MRTFB: variants seen among roughly 807,000 people sequenced by gnomAD.
The protein encoded by MRTFB is myocardin-related transcription factor B.
MRTFB carries 29 observed loss-of-function variants against 104.2 expected under a neutral mutation model. The ratio of observed to expected loss-of-function variants is 0.28; its 90% confidence interval spans 0.21 to 0.38. MRTFB has a LOEUF of 0.38. Ranked by LOEUF, MRTFB falls within the 10% of genes least tolerant of loss-of-function variation. The pLI is 1.00. For missense variants in MRTFB, 1,270 were observed against 1,341.6 expected (o/e 0.95, Z 0.83); for synonymous variants, 535 against 519.5 (o/e 1.03, Z -0.41).
Position 14,252,634 on chromosome 16 carries a change from T to G in MRTFB, c.2703+132T>G, listed in dbSNP as rs988773648. The stretch of plus-strand genomic sequence containing the variant: ...TAGAAATACAAAAATAACCTTGTAT[T>G]TTACATGGTTATTTAAAATCAAAAT... On this transcript the variant is annotated intron_variant, in intron 15 of 16. Transcript: ENST00000571589. 6 of 1,100,092 alleles carry G rather than the reference T, an allele frequency of 5.5e-6. No individual in the cohort carries two copies. In the African/African-American group the frequency reaches 9.6e-5, roughly 18 times the overall value. 68.1% of individuals were successfully genotyped at this position (1,100,092 alleles called of 1,614,324 possible).
Position 14,121,532 on chromosome 16 carries a change from A to G in MRTFB, c.-63-19012A>G, listed in dbSNP as rs979564514. Among the ~76,000 whole-genome samples the G allele has an allele frequency of 1.3e-4, 20 of 152,342 alleles. No homozygotes were observed. The South Asian group carries it at 1.4e-3, about 11-fold the overall frequency. On this transcript the variant is annotated intron_variant, in intron 2 of 16. Coordinates refer to ENST00000571589, the MANE Select transcript of MRTFB (RefSeq NM_001308142.2). ...AGTAAAAATTAAATAAGTTAGAGAA[A>G]ATTGACTACTACTTAGATTGTTAAC...
chr16:14,119,875 G>A (rs187533180), intron 2 of MRTFB, among the ~76,000 whole-genome samples: 1 of 152,224 alleles, frequency 6.6e-6, no homozygotes. Context: ...TGACGTGTAG[G>A]GTCCTACATT....
the MRTFB span, among the ~76,000 whole-genome samples, chr16:13,997,361 C>T: frequency 6.6e-6 from 1 of 152,102 alleles, no homozygotes; most frequent in Non-Finnish European, 1.5e-5. Flanking sequence ...CCAATCCCTT[C>T]AGCAGAGAGC....
the MRTFB span, among the ~76,000 whole-genome samples, chr16:14,054,551 C>A: frequency 6.6e-6 from 1 of 152,168 alleles, no homozygotes; most frequent in African/African-American, 2.4e-5. Flanking sequence ...TCTATGTCAT[C>A]ACTTCAGGAA....
the MRTFB span, among the ~76,000 whole-genome samples, chr16:14,001,690 C>T: frequency 6.6e-6 from 1 of 152,244 alleles, no homozygotes; most frequent in East Asian, 1.9e-4. Flanking sequence ...AGACGGGCTT[C>T]AAGCAGGCTG....
chr16:14,120,408 C>G (rs1455020134), intron 2 of MRTFB, among the ~76,000 whole-genome samples: 1 of 152,138 alleles, frequency 6.6e-6, no homozygotes, highest in African/African-American at 2.4e-5. Flanking sequence ...ATGTTTCCTT[C>G]TAAAAGTTTG....
At chr16:14,148,168 G>A (rs572336620) in intron 3 of MRTFB, among the ~76,000 whole-genome samples, 1 of 152,282 alleles carries the variant, frequency 6.6e-6, no homozygotes, top group East Asian at 1.9e-4. Context: ...TAAATGATCA[G>A]TTAAATAAGT....
At chr16:14,003,280 T>A in the MRTFB span, among the ~76,000 whole-genome samples, 1 of 152,210 alleles carries the variant, frequency 6.6e-6, no homozygotes, top group Non-Finnish European at 1.5e-5. Context: ...TTCTTTTTAA[T>A]CCTCCCTTTC....
Position 14,097,123 on chromosome 16 carries a change from T to G in MRTFB, c.-64+17769T>G, listed in dbSNP as rs538934220. On this transcript the variant is annotated intron_variant, in intron 2 of 16. Transcript: ENST00000571589. ...ATGCAATGATTATGACCTTATAAAT[T>G]ATTCTAAGAGGAGATGCAGAGTGGC... is the stretch of plus-strand genomic sequence containing the variant. Among the ~76,000 whole-genome samples the G allele has an allele frequency of 3.3e-5, 5 of 152,340 alleles. No individual in the cohort carries two copies. The South Asian group carries it at 1.0e-3, about 32-fold the overall frequency.
intron 3 of MRTFB, chr16:14,144,479 T>C (rs571658366): frequency 6.6e-6 from 1 of 152,280 alleles, no homozygotes; most frequent in African/African-American, 2.4e-5. Context: ...AAGAGATCTA[T>C]TGCAAAACAT....
At chr16:14,125,349 A>G (rs906330714) in intron 2 of MRTFB, among the ~76,000 whole-genome samples, 1 of 152,236 alleles carries the variant, frequency 6.6e-6, no homozygotes, top group African/African-American at 2.4e-5. Context: ...TTCATGGGCA[A>G]AATTCCTGGG....
At chr16:14,240,644 T>G (rs1243256805) in intron 10 of MRTFB, 160 bp downstream of exon 10, 4 of 1,206,928 alleles carry the variant, frequency 3.3e-6, no homozygotes, top group Non-Finnish European at 4.9e-6. Flanking sequence ...GAAGTCCACA[T>G]GGTGAGAGTG....
the MRTFB span, among the ~76,000 whole-genome samples, chr16:14,050,164 GACAC>G: frequency 3.3e-5 from 5 of 149,828 alleles, no homozygotes; most frequent in African/African-American, 4.9e-5. Context: ...CAGACAGACA[GACAC>G]ACACACACAC....
chr16:14,080,519 C>G (rs1189260987), intron 2 of MRTFB, among the ~76,000 whole-genome samples: 1 of 152,106 alleles, frequency 6.6e-6, no homozygotes, highest in African/African-American at 2.4e-5. Flanking sequence ...TGTATTTACT[C>G]TATTTTTGGA....
At chr16:14,093,397 A>T (rs2141989274) in intron 2 of MRTFB, among the ~76,000 whole-genome samples, 1 of 152,132 alleles carries the variant, frequency 6.6e-6, no homozygotes, top group Middle Eastern at 3.4e-3. Flanking sequence ...CTTTTTTTAA[A>T]TTTGCAGTAC....
chr16:14,024,464 T>C, the MRTFB span, among the ~76,000 whole-genome samples: 1 of 152,142 alleles, frequency 6.6e-6, no homozygotes, highest in Non-Finnish European at 1.5e-5. Context: ...GGCCAGACAA[T>C]GTAAATTGAT....
At chr16:14,036,964 CT>C in the MRTFB span, among the ~76,000 whole-genome samples, 3 of 150,094 alleles carry the variant, frequency 2.0e-5, no homozygotes, top group East Asian at 3.9e-4. Flanking sequence ...GATCATCTCA[CT>C]TTTTTTTTTC....
the MRTFB span, among the ~76,000 whole-genome samples, chr16:14,017,765 A>G: frequency 7.9e-6 from 1 of 126,832 alleles, no homozygotes; most frequent in Non-Finnish European, 1.6e-5. Flanking sequence ...CTCCCGGGCT[A>G]GAGTGCACTG....
At position 14,266,673 on chromosome 16, in the gene MRTFB, G is replaced by T. The variant is rs922368513; in HGVS notation, c.*5229G>T. On this transcript the variant is annotated 3_prime_UTR_variant, in exon 17 of 17. Transcript: ENST00000571589. ...TTATATGTGTGCACATTTATCATCA[G>T]ATCTTTTGTACATAGTGGCAGTATT... The T allele has an allele frequency of 6.6e-6, 1 of 152,202 alleles. No homozygotes were observed. The highest frequency in any genetic ancestry group is 2.4e-5 in the African/African-American group (1 of 41,438). 9.4% of individuals were successfully genotyped at this position (152,202 alleles called of 1,614,324 possible).
Sources: gnomAD v4.1 joint callset for allele counts (sites outside exome capture counted in the v4.1 genomes callset) on GRCh38, gnomAD v4.1.1 for gene constraint, MANE v1.5 for transcripts, NCBI Gene and HGNC (gene_info 2026-07-23, HGNC 2026-07-21) for gene names.